The following GRIP1 variants were observed in gnomAD, a reference collection of about 807,000 sequenced individuals.
GRIP1 encodes the protein glutamate receptor interacting protein 1, also known as glutamate receptor-interacting protein 1.
In GRIP1, 45 loss-of-function variants were observed where a neutral mutation model predicts 129.9. That is an observed-to-expected ratio of 0.35 (90% CI 0.27 to 0.44). GRIP1 has a LOEUF of 0.44. Among genes scored for constraint, GRIP1 ranks in the 20% least tolerant of loss-of-function variants. The pLI is 1.00. For synonymous variants in GRIP1, 530 were observed against 520.8 expected, an observed-to-expected ratio of 1.02 and a Z score of -0.24; for missense variants, 1,196 against 1,396.8, an observed-to-expected ratio of 0.86 and a Z score of 2.29.
intron 2 of GRIP1, among the ~76,000 whole-genome samples, chr12:66,543,180 C>T (rs986072591): frequency 6.6e-6 from 1 of 152,068 alleles, no homozygotes; most frequent in Non-Finnish European, 1.5e-5. Flanking sequence ...CTGGGGACGG[C>T]AGGCTACTTA....
intron 7 of GRIP1, among the ~76,000 whole-genome samples, chr12:66,481,801 A>C (rs773438946): frequency 6.6e-5 from 10 of 152,186 alleles, no homozygotes; most frequent in Non-Finnish European, 1.2e-4. Flanking sequence ...CTTTGCAGGG[A>C]CATGGATGAA....
intron 1 of GRIP1, among the ~76,000 whole-genome samples, chr12:66,743,216 T>C (rs1379926458): frequency 1.3e-5 from 2 of 152,148 alleles, no homozygotes; most frequent in East Asian, 3.9e-4. Context: ...AAAATATTTT[T>C]GGGGAATGAT....
At chr12:66,926,452 T>C (rs1308771142) in intron 1 of GRIP1, among the ~76,000 whole-genome samples, 1 of 152,200 alleles carries the variant, frequency 6.6e-6, no homozygotes, top group Non-Finnish European at 1.5e-5. Context: ...CTGGAAGTAC[T>C]GCAGTGAAGC....
intron 1 of GRIP1, among the ~76,000 whole-genome samples, chr12:66,620,783 C>A (rs900634216): frequency 1.3e-5 from 2 of 151,938 alleles, no homozygotes; most frequent in African/African-American, 4.8e-5. Flanking sequence ...CCCCCAACCC[C>A]TCCCCCCCAG....
chr12:66,803,447 A>T (rs550842759), intron 1 of GRIP1, among the ~76,000 whole-genome samples: 1 of 152,338 alleles, frequency 6.6e-6, no homozygotes, highest in Non-Finnish European at 1.5e-5. Context: ...TCTATTTATA[A>T]GCTAAGTTTC....
intron 1 of GRIP1, among the ~76,000 whole-genome samples, chr12:66,795,205 G>A (rs772837339): frequency 6.6e-6 from 1 of 152,158 alleles, no homozygotes; most frequent in Non-Finnish European, 1.5e-5. Context: ...TTCCACTACA[G>A]CAATTTGTTA....
intron 1 of GRIP1, among the ~76,000 whole-genome samples, chr12:66,895,698 C>T (rs78647763): frequency 3.9e-5 from 6 of 152,224 alleles, no homozygotes; most frequent in South Asian, 2.1e-4. Flanking sequence ...TAAAGCTGGC[C>T]GCAGACCCAC....
At chr12:66,560,748 A>G (rs2062496909) in intron 2 of GRIP1, among the ~76,000 whole-genome samples, 1 of 152,150 alleles carries the variant, frequency 6.6e-6, no homozygotes, top group African/African-American at 2.4e-5. Flanking sequence ...CACAATGCAG[A>G]GCAGTTTGGC....
In GRIP1 at chr12:66,768,833, A is replaced by G. The variant is rs118034690; in HGVS notation, c.-420+35220T>C. 8.1e-3 allele frequency among the ~76,000 whole-genome samples: 1,227 copies of G among 152,332 alleles called. 7 individuals carry two copies. Among genetic ancestry groups the G allele is most frequent in the Admixed American group, 0.016 (240 of 15,308 alleles). ...GACCCAGAGGACACTGCTGCACATT[A>G]GAGTAACTGAGAGACCTCTAAAACA... On this transcript the variant is annotated intron_variant, in intron 1 of 4. Coordinates refer to the GRIP1 transcript ENST00000538373.
At chr12:66,812,335 A>G (rs1234333723) in intron 1 of GRIP1, among the ~76,000 whole-genome samples, 2 of 152,158 alleles carry the variant, frequency 1.3e-5, no homozygotes, top group Non-Finnish European at 2.9e-5. Flanking sequence ...GGGTTTCACC[A>G]TGTTAGTCCA....
intron 19 of GRIP1, among the ~76,000 whole-genome samples, chr12:66,387,295 G>A (rs1290965482): frequency 6.6e-6 from 1 of 152,202 alleles, no homozygotes; most frequent in Non-Finnish European, 1.5e-5. Flanking sequence ...ACAGACTGAA[G>A]GGAGCAATTG....
rs1168258737 is a variant in GRIP1 at position 66,778,409 on chromosome 12, T to C, written c.-420+25644A>G. ...AGTTTCCTTTGCCAGTAAATGGGGATATGATCCCCTACAATATTATAGTGG... is the reference window on the plus strand; with the variant it reads ...AGTTTCCTTTGCCAGTAAATGGGGACATGATCCCCTACAATATTATAGTGG... On this transcript the variant is annotated intron_variant, in intron 1 of 4. Coordinates refer to the GRIP1 transcript ENST00000538373. Among the ~76,000 whole-genome samples, 3 of 152,292 alleles carry C rather than the reference T, an allele frequency of 2.0e-5. No individual in the cohort carries two copies. The East Asian group carries it at 5.8e-4, about 29-fold the overall frequency.
chr12:66,756,228 C>T (rs2037283719), intron 1 of GRIP1, among the ~76,000 whole-genome samples: 1 of 152,174 alleles, frequency 6.6e-6, no homozygotes, highest in Admixed American at 6.5e-5. Flanking sequence ...AGTCTACTTT[C>T]TGCTTCTATG....
At chr12:66,926,418 C>T (rs1462556875) in intron 1 of GRIP1, among the ~76,000 whole-genome samples, 1 of 152,196 alleles carries the variant, frequency 6.6e-6, no homozygotes, top group Non-Finnish European at 1.5e-5. Flanking sequence ...CTGCTGTTCT[C>T]AATTATCCTT....
chr12:66,578,366 T>C (rs2063222422), intron 2 of GRIP1, among the ~76,000 whole-genome samples: 1 of 151,128 alleles, frequency 6.6e-6, no homozygotes, highest in Non-Finnish European at 1.5e-5. Context: ...CCATCTGAGG[T>C]ACCAGGTTCA....
rs1003170327 is a variant in GRIP1, at chr12:66,747,215, TA to T, written c.-420+56837del. 1.4e-4 allele frequency among the ~76,000 whole-genome samples: 21 copies of T among 152,016 alleles called. 1 individual carries two copies. The highest frequency in any genetic ancestry group is 5.1e-4 in the African/African-American group (21 of 41,392). ...GATCTCTAGAAAGAATATAAGGGATTAAAAAAACTGAGTAAATAAAATTTAT... is the reference window on the plus strand; with the variant it reads ...GATCTCTAGAAAGAATATAAGGGATTAAAAAACTGAGTAAATAAAATTTAT... On this transcript the variant is annotated intron_variant, in intron 1 of 4. Transcript: ENST00000538373.
intron 1 of GRIP1, among the ~76,000 whole-genome samples, chr12:66,983,034 T>A (rs1001561299): frequency 6.6e-6 from 1 of 152,150 alleles, no homozygotes; most frequent in African/African-American, 2.4e-5. Flanking sequence ...TCCCTCCACC[T>A]TTTTCCTTCC....
In GRIP1 at chr12:66,577,681, G is replaced by A. The variant is rs148147545; in HGVS notation, c.136+19166C>T. Among the ~76,000 whole-genome samples the A allele has an allele frequency of 1.1e-4, 17 of 152,306 alleles. No homozygotes were observed. In the East Asian group the frequency reaches 2.3e-3, roughly 21 times the overall value. ...AGATACATTTTCAGCTGGGTGCAGT[G>A]GCTCACGCCTGTAATTCCAGTACTT... is the stretch of plus-strand genomic sequence containing the variant. On this transcript the variant is annotated intron_variant, in intron 2 of 24. Transcript: ENST00000359742.
intron 14 of GRIP1, among the ~76,000 whole-genome samples, chr12:66,422,923 T>G (rs1175240236): frequency 6.6e-6 from 1 of 152,204 alleles, no homozygotes; most frequent in Non-Finnish European, 1.5e-5. Context: ...AATGTGGCTA[T>G]GCATGGTCCG....
Sources: gnomAD v4.1 joint callset for allele counts (sites outside exome capture counted in the v4.1 genomes callset) on GRCh38, gnomAD v4.1.1 for gene constraint, MANE v1.5 for transcripts, NCBI Gene and HGNC (gene_info 2026-07-23, HGNC 2026-07-21) for gene names.